The following ZNF442 variants were observed in gnomAD, a reference collection of about 807,000 sequenced individuals.
ZNF442 encodes the protein zinc finger protein 442.
ZNF442 carries 45 observed loss-of-function variants against 57.0 expected under a neutral mutation model. The ratio of observed to expected loss-of-function variants is 0.79; its 90% CI spans 0.62 to 1.01. ZNF442 has a LOEUF of 1.01. ZNF442 is among the 50% of genes least tolerant of loss of function. The probability of loss-of-function intolerance (pLI) is 0.00; values close to 1 mark genes in which losing one functional copy is unlikely to be tolerated. For missense variants in ZNF442, 690 were observed against 756.5 expected, an observed-to-expected ratio of 0.91 and a Z score of 1.03; for synonymous variants, 213 against 241.8, an observed-to-expected ratio of 0.88 and a Z score of 1.10.
chr19:12,366,368 T>A (rs142859571), upstream of ZNF442, among the ~76,000 whole-genome samples: 1 of 152,166 alleles, frequency 6.6e-6, no homozygotes, highest in African/African-American at 2.4e-5. Context: ...ATTTTCAAGC[T>A]TAGAAGGCAG....
intron 3 of ZNF442, among the ~76,000 whole-genome samples, chr19:12,356,581 C>T (rs1969333012): frequency 6.6e-6 from 1 of 150,996 alleles, no homozygotes. Flanking sequence ...GAGCTGAGAT[C>T]GCTCCATTGC....
In ZNF442 at chr19:12,350,359, A is replaced by G. The variant is rs1390132210; in HGVS notation, c.1226T>C (p.Val409Ala). The change falls in exon 6 of 6, where the codon GTA becomes GCA. Residue 409 changes from valine (V) to alanine (A), a missense_variant. Val to Ala is a moderately conservative substitution (Grantham distance 64). Transcript: ENST00000242804. ...GGGATAAATGAAGGCTTTCCCACAT[A>G]CCTTGCATTTGTGAGGTCCATCTCC... ...HTGDGPHKCK[V>A]CGKAFIYPSV... The G allele has an allele frequency of 6.2e-7, 1 of 1,613,762 alleles. No individual in the cohort carries two copies. Among genetic ancestry groups the G allele is most frequent in the Non-Finnish European group, 8.5e-7 (1 of 1,179,992 alleles).
upstream of ZNF442, among the ~76,000 whole-genome samples, chr19:12,368,953 A>G (rs1253903966): frequency 2.0e-5 from 3 of 152,144 alleles, no homozygotes; most frequent in East Asian, 5.8e-4. Context: ...CTCCTTCAAG[A>G]CTTTAAATAT....
intron 3 of ZNF442, 147 bp from the exon 4 acceptor site, chr19:12,353,261 C>T (rs1447327450): frequency 1.3e-6 from 1 of 795,648 alleles, no homozygotes; most frequent in Non-Finnish European, 1.9e-6. Flanking sequence ...TCTACAATCA[C>T]TTTCTCCAAC....
rs1368447424 is a variant in ZNF442, at chr19:12,350,256, A to G, written c.1329T>C (p.Arg443=). The G allele has an allele frequency of 3.1e-6, 5 of 1,613,620 alleles. No individual in the cohort carries two copies. Among genetic ancestry groups the G allele is most frequent in the Admixed American group, 1.7e-5 (1 of 59,966 alleles). The part of the protein sequence containing the change: ...YECKECGKAF[R]ISSSLRRHET... Reference sequence around the variant, plus strand: ...CATGTCTTCGAAGGGAACTAGAAATACGGAAGGCTTTACCACATTCTTTAC... The same window carrying G: ...CATGTCTTCGAAGGGAACTAGAAATGCGGAAGGCTTTACCACATTCTTTAC... Residue 443 remains arginine, a synonymous_variant, in exon 6 of 6, where the codon CGT becomes CGC. Coordinates refer to ENST00000242804, the MANE Select transcript of ZNF442 (RefSeq NM_030824.3).
upstream of ZNF442, among the ~76,000 whole-genome samples, chr19:12,370,457 C>T (rs1417546957): frequency 1.3e-5 from 2 of 152,032 alleles, no homozygotes; most frequent in Non-Finnish European, 2.9e-5. Flanking sequence ...TAGCTCCTAA[C>T]AGGCCACAGT....
intron 3 of ZNF442, among the ~76,000 whole-genome samples, chr19:12,358,693 G>C (rs890418924): frequency 9.9e-5 from 15 of 152,120 alleles, no homozygotes; most frequent in African/African-American, 3.6e-4. Context: ...ACAAACTCTA[G>C]GTCAGTTATG....
chr19:12,365,479 CG>C, intron 1 of ZNF442, 53 bp downstream of exon 1: 1 of 451,074 alleles, frequency 2.2e-6, no homozygotes, highest in South Asian at 2.3e-5. Flanking sequence ...CGGTTCTGGC[CG>C]GTTCCAACCA....
At chr19:12,363,186 A>C (rs1969467546) in intron 3 of ZNF442, among the ~76,000 whole-genome samples, 1 of 151,126 alleles carries the variant, frequency 6.6e-6, no homozygotes, top group Admixed American at 6.6e-5. Context: ...AAAAAGGAAT[A>C]GATGGCTACA....
intron 3 of ZNF442, among the ~76,000 whole-genome samples, chr19:12,359,850 C>T (rs1969393741): frequency 6.6e-6 from 1 of 152,036 alleles, no homozygotes; most frequent in Non-Finnish European, 1.5e-5. Context: ...TAGTGGCATG[C>T]GCCTGTAGTC....
chr19:12,346,182 A>G lies in ZNF442; in HGVS notation c.*3519T>C, dbSNP rs1022994098. 3 of 152,164 alleles carry G rather than the reference A, an allele frequency of 2.0e-5. No homozygotes were observed. Among genetic ancestry groups the G allele is most frequent in the South Asian group, 2.1e-4 (1 of 4,834 alleles). The allele number at this position is 152,164 out of a possible 1,614,324, so 9.4% of individuals were successfully genotyped here. ...TCTCTTCCAAGCACTTGGGAGCTGA[A>G]AAAAGAAAGAAATTTTCTAAATATT... On this transcript the variant is annotated 3_prime_UTR_variant, in exon 6 of 6. Coordinates refer to ENST00000242804, the MANE Select transcript of ZNF442 (RefSeq NM_030824.3).
chr19:12,366,713 C>G (rs1377885726), upstream of ZNF442, among the ~76,000 whole-genome samples: 1 of 152,144 alleles, frequency 6.6e-6, no homozygotes, highest in Non-Finnish European at 1.5e-5. Context: ...TCACTGCAAC[C>G]TCCGCCTCCC....
chr19:12,350,216 CA>C lies in ZNF442; in HGVS notation c.1368del (p.Gly457GlufsTer75). 1 of 1,614,094 alleles carries C rather than the reference CA, an allele frequency of 6.2e-7. No homozygotes were observed. The highest frequency in any genetic ancestry group is 8.5e-7 in the Non-Finnish European group (1 of 1,180,010). On this transcript the variant is annotated frameshift_variant, in exon 6 of 6. Coordinates refer to ENST00000242804, the MANE Select transcript of ZNF442 (RefSeq NM_030824.3). LOFTEE classifies it high-confidence loss of function. ...SSLRRHETTH[T>X]GEKPYKCKCG... ...CATTTACATTTATAGGGTTTCTCTC[CA>C]GTGTGAGTTGTTTCATGTCTTCGAA...
the ZNF442 span, among the ~76,000 whole-genome samples, chr19:12,373,251 C>T: frequency 1.2e-4 from 19 of 152,176 alleles, no homozygotes; most frequent in Admixed American, 8.5e-4. Flanking sequence ...GAAATTAGCC[C>T]TAGGCTGGAC....
At chr19:12,357,222 AT>A (rs963358573) in intron 3 of ZNF442, among the ~76,000 whole-genome samples, 8 of 150,270 alleles carry the variant, frequency 5.3e-5, no homozygotes, top group African/African-American at 9.8e-5. Context: ...TTTTAGTTCT[AT>A]TTTTTTTGCA....
chr19:12,369,108 T>C (rs1337013104), upstream of ZNF442, among the ~76,000 whole-genome samples: 2 of 151,006 alleles, frequency 1.3e-5, no homozygotes, highest in African/African-American at 4.9e-5. Context: ...GAATACCTAA[T>C]GGAACAAAAA....
chr19:12,368,626 C>G (rs1025664259), upstream of ZNF442, among the ~76,000 whole-genome samples: 5 of 152,198 alleles, frequency 3.3e-5, no homozygotes, highest in Non-Finnish European at 7.3e-5. Context: ...GTCACGCCAC[C>G]TGGTACCTCT....
the ZNF442 span, among the ~76,000 whole-genome samples, chr19:12,372,353 G>A: frequency 6.6e-6 from 1 of 152,040 alleles, no homozygotes; most frequent in African/African-American, 2.4e-5. Context: ...CAGCTACTTG[G>A]GAGGCTGAGG....
rs1290999648 is a variant in ZNF442 at position 12,363,504 on chromosome 19, G to T, written c.78+50C>A. 2.5e-6 allele frequency: 4 copies of T among 1,579,846 alleles called. No individual in the cohort carries two copies. The Admixed American group carries it at 5.0e-5, about 20-fold the overall frequency. On this transcript the variant is annotated intron_variant, in intron 3 of 5. Transcript: ENST00000242804. ...TTTCAGGCTCATGCACACCTGACCT[G>T]AATGGGAGGTTCTTGCACAACTGGA... is the stretch of plus-strand genomic sequence containing the variant.
Sources: allele counts gnomAD v4.1 joint callset (sites outside exome capture counted in the v4.1 genomes callset), GRCh38; gene constraint gnomAD v4.1.1; transcripts MANE v1.5; gene names NCBI Gene and HGNC (gene_info 2026-07-23, HGNC 2026-07-21).